The following NBN variants were observed in gnomAD, a reference collection of about 807,000 sequenced individuals.
NBN encodes Nijmegen breakage syndrome 1 (nibrin).
Under a neutral mutation model 90.8 loss-of-function variants are expected in NBN, and 88 were observed. That is an observed-to-expected ratio of 0.97 (90% CI 0.82 to 1.16). NBN has a LOEUF of 1.16. Among genes scored for constraint, NBN ranks in the 50% most tolerant of loss-of-function variants. The pLI, the probability that NBN is intolerant of heterozygous loss-of-function variation, is 0.00. For synonymous variants in NBN, 328 were observed against 295.1 expected, an observed-to-expected ratio of 1.11 and a Z score of -1.14; for missense variants, 894 against 869.6, an observed-to-expected ratio of 1.03 and a Z score of -0.35.
chr8:89,942,252 C>T (rs946409566), intron 14 of NBN, among the ~76,000 whole-genome samples: 1 of 152,084 alleles, frequency 6.6e-6, no homozygotes, highest in Non-Finnish European at 1.5e-5. Flanking sequence ...AATGATAAGC[C>T]AGCCTTCATT....
At chr8:89,964,187 A>G (rs936595254) in intron 8 of NBN, among the ~76,000 whole-genome samples, 2 of 152,224 alleles carry the variant, frequency 1.3e-5, no homozygotes, top group Non-Finnish European at 2.9e-5. Flanking sequence ...CATAAAGTTT[A>G]TAATAACAAG....
Position 89,984,609 on chromosome 8 carries a change from G to A in NBN, c.-48C>T, listed in dbSNP as rs202115031. 3.1e-6 allele frequency: 5 copies of A among 1,608,518 alleles called. No individual in the cohort carries two copies. The highest frequency in any genetic ancestry group is 3.4e-5 in the Admixed American group (2 of 59,664). On this transcript the variant is annotated 5_prime_UTR_variant, in exon 1 of 16. Transcript: ENST00000265433. ...GGCCGACGTGCAACCGCGTAACCGG[G>A]GCTGCTAGACGAGCGCGGATACGGC...
At chr8:89,949,258 T>C (rs186293208) in intron 11 of NBN, among the ~76,000 whole-genome samples, 147 of 152,334 alleles carry the variant, frequency 9.6e-4, no homozygotes, top group Non-Finnish European at 1.4e-3. Flanking sequence ...ACTATCAGTT[T>C]CCACACATGT....
chr8:89,971,374 A>G, intron 5 of NBN, 84 bp from the exon 6 acceptor site: 1 of 1,421,422 alleles, frequency 7.0e-7, no homozygotes, highest in Non-Finnish European at 9.5e-7. Flanking sequence ...TCTGACACTC[A>G]AAAGGCATAA....
chr8:89,971,429 T>A, intron 5 of NBN, 139 bp from the exon 6 acceptor site: 1 of 1,040,682 alleles, frequency 9.6e-7, no homozygotes. Flanking sequence ...AAGAATTTTA[T>A]CTGGGACAAA....
intron 2 of NBN, 107 bp downstream of exon 2, chr8:89,982,615 T>C (rs1563583648): frequency 9.4e-7 from 1 of 1,058,584 alleles, no homozygotes; most frequent in East Asian, 2.4e-5. Context: ...TACACAGCTC[T>C]ATAAAATGAC....
rs104895033 is a variant in NBN, at chr8:89,955,478, G to A, written c.1202C>T (p.Pro401Leu). Residue 401 changes from proline (P) to leucine (L), a missense_variant, in exon 10 of 16, where the codon CCC becomes CTC. Physicochemically the swap from Pro to Leu is moderately conservative, Grantham distance 98. Transcript: ENST00000265433. Reference protein sequence around the residue: ...QKFRMLSQDAPTVKESCKTSS... With the variant: ...QKFRMLSQDALTVKESCKTSS... The stretch of plus-strand genomic sequence containing the variant: ...TGTTTTGCAGGACTCCTTTACAGTG[G>A]GTGCATCTTGTGAAAGCATTCTGAA... 3 of 1,613,258 alleles carry A rather than the reference G, an allele frequency of 1.9e-6. No homozygotes were observed. The South Asian group carries it at 3.3e-5, about 18-fold the overall frequency.
chr8:89,946,362 T>C (rs1810194018), intron 12 of NBN, 67 bp from the exon 13 acceptor site: 1 of 1,408,700 alleles, frequency 7.1e-7, no homozygotes, highest in African/African-American at 1.4e-5. Context: ...ACTTGTCATT[T>C]GGGAATCTAT....
Position 89,955,482 on chromosome 8 carries a change from C to A in NBN, c.1198G>T (p.Ala400Ser). 2 of 1,613,390 alleles carry A rather than the reference C, an allele frequency of 1.2e-6. No individual in the cohort carries two copies. Among genetic ancestry groups the A allele is most frequent in the Admixed American group, 1.7e-5 (1 of 59,980 alleles). ...TTGCAGGACTCCTTTACAGTGGGTG[C>A]ATCTTGTGAAAGCATTCTGAATTTT... is the stretch of plus-strand genomic sequence containing the variant. ...EQKFRMLSQD[A>S]PTVKESCKTS... is the part of the protein sequence containing the mutation. The change falls in exon 10 of 16, where the codon GCA (alanine) becomes TCA (serine). Residue 400 changes from alanine to serine, a missense_variant. Ala to Ser is a moderately conservative substitution (Grantham distance 99). Coordinates refer to ENST00000265433, the MANE Select transcript of NBN (RefSeq NM_002485.5).
intron 6 of NBN, 71 bp downstream of exon 6, chr8:89,971,102 T>C (rs906270175): frequency 1.3e-6 from 2 of 1,487,070 alleles, no homozygotes; most frequent in East Asian, 2.3e-5. Context: ...TAACAACTAC[T>C]GATAAGAGTT....
At chr8:89,984,429 GC>G in intron 1 of NBN, 95 bp downstream of exon 1, 2 of 1,165,162 alleles carry the variant, frequency 1.7e-6, no homozygotes, top group South Asian at 2.6e-5. Context: ...GCGTCCCCGG[GC>G]AGGAACGGAC....
At position 89,955,126 on chromosome 8, in the gene NBN, G is replaced by C. The variant is rs1805814; in HGVS notation, c.1397+157C>G. Among the ~76,000 whole-genome samples the C allele has an allele frequency of 0.028, 4,311 of 152,116 alleles. 184 individuals carry two copies. Among genetic ancestry groups the C allele is most frequent in the African/African-American group, 0.096 (3,985 of 41,496 alleles). On this transcript the variant is annotated intron_variant, in intron 10 of 15. Coordinates refer to ENST00000265433, the MANE Select transcript of NBN (RefSeq NM_002485.5). Reference sequence around the variant, plus strand: ...GAAACTGTCTAGTGGCTCTAGTGAAGGAGATCAGGGACATTTCTGAGAGGG... The same window carrying C: ...GAAACTGTCTAGTGGCTCTAGTGAACGAGATCAGGGACATTTCTGAGAGGG...
chr8:89,940,149 A>T (rs1292744988), intron 14 of NBN, among the ~76,000 whole-genome samples: 1 of 152,106 alleles, frequency 6.6e-6, no homozygotes, highest in Non-Finnish European at 1.5e-5. Flanking sequence ...GCAGGGGCTC[A>T]ATCATGGCTC....
chr8:89,980,630 C>A, intron 4 of NBN, 104 bp downstream of exon 4: 1 of 931,140 alleles, frequency 1.1e-6, no homozygotes, highest in Non-Finnish European at 1.7e-6. Context: ...CTACAACTAA[C>A]AGTTCTGATA....
At chr8:89,971,842 T>TTTTA (rs1811530973) in intron 5 of NBN, among the ~76,000 whole-genome samples, 1 of 152,158 alleles carries the variant, frequency 6.6e-6, no homozygotes, top group Non-Finnish European at 1.5e-5. Flanking sequence ...GCTCTTTAAT[T>TTTTA]TAATGCTATA....
At chr8:89,962,473 T>C (rs1805790) in intron 8 of NBN, among the ~76,000 whole-genome samples, 46,853 of 152,072 alleles carry the variant, frequency 0.31, 7,474 homozygotes, top group East Asian at 0.45. Flanking sequence ...TTCTAAAAGT[T>C]GAGCATATTT....
chr8:89,968,987 G>T (rs1437464175), intron 7 of NBN, among the ~76,000 whole-genome samples: 1 of 152,082 alleles, frequency 6.6e-6, no homozygotes, highest in Non-Finnish European at 1.5e-5. Context: ...TAGGATAGAT[G>T]ACTAAAATTT....
intron 11 of NBN, among the ~76,000 whole-genome samples, chr8:89,950,790 C>A (rs1012449122): frequency 6.6e-6 from 1 of 152,102 alleles, no homozygotes. Context: ...GCTCCCATGT[C>A]AAGGGTGTAT....
intron 7 of NBN, among the ~76,000 whole-genome samples, chr8:89,968,138 A>G (rs1811335361): frequency 6.6e-6 from 1 of 152,088 alleles, no homozygotes; most frequent in African/African-American, 2.4e-5. Flanking sequence ...GTACGCCTGT[A>G]GTCCCAGCTA....
Sources: allele counts gnomAD v4.1 joint callset (sites outside exome capture counted in the v4.1 genomes callset), GRCh38; gene constraint gnomAD v4.1.1; transcripts MANE v1.5; gene names NCBI Gene and HGNC (gene_info 2026-07-23, HGNC 2026-07-21).